ARHGEF1: variants seen among roughly 807,000 people sequenced by gnomAD.
The protein encoded by ARHGEF1 is Rho guanine nucleotide exchange factor 1.
ARHGEF1 carries 40 observed loss-of-function variants against 119.7 expected under a neutral mutation model. The observed-to-expected ratio is 0.33, with a 90% CI of 0.26 to 0.44. The LOEUF is 0.44. Among genes scored for constraint, ARHGEF1 ranks in the 20% least tolerant of loss-of-function variants. ARHGEF1 has a pLI of 1.00. For synonymous variants in ARHGEF1, 494 were observed against 521.0 expected, an observed-to-expected ratio of 0.95 and a Z score of 0.71; for missense variants, 976 against 1,268.3, an observed-to-expected ratio of 0.77 and a Z score of 3.50.
At position 41,888,168 on chromosome 19, in the gene ARHGEF1, T is replaced by C; in HGVS notation, c.25-24T>C. The C allele has an allele frequency of 1.2e-6, 2 of 1,614,016 alleles. No individual in the cohort carries two copies. The highest frequency in any genetic ancestry group is 1.3e-5 in the African/African-American group (1 of 75,034). The stretch of plus-strand genomic sequence containing the variant: ...GCTGTGGGTGGAGAGTCCTGTGGAC[T>C]GAAGCTGCCCTCCCTTTCCACAGGC... On this transcript the variant is annotated intron_variant, in intron 2 of 28. Transcript: ENST00000354532. This position sits in a 1 kb window ranked among gnomAD's most constrained non-coding sequence, Gnocchi z 5.1.
intron 18 of ARHGEF1, among the ~76,000 whole-genome samples, chr19:41,914,609 C>CGT (rs2074778509): frequency 2.0e-5 from 1 of 49,832 alleles, no homozygotes. Context: ...TCTGTCTCTC[C>CGT]CTCCCCTTCC....
chr19:41,904,868 G>A lies in ARHGEF1; in HGVS notation c.2162-81G>A. The stretch of plus-strand genomic sequence containing the variant: ...CCCTGAGAGCGCCACCACTGTGGGT[G>A]ACTTCTCCAGCTTGTGCTTAGGGAG... On this transcript the variant is annotated intron_variant, in intron 22 of 28. Transcript: ENST00000354532. The surrounding 1 kb of genome is among the most constrained non-coding windows in gnomAD (Gnocchi z 8.4). The A allele has an allele frequency of 8.1e-7, 1 of 1,229,140 alleles. No individual in the cohort carries two copies. The highest frequency in any genetic ancestry group is 1.2e-6 in the Non-Finnish European group (1 of 834,634). 76.1% of individuals were successfully genotyped at this position (1,229,140 alleles called of 1,614,324 possible).
downstream of ARHGEF1, chr19:41,908,546 C>CG: frequency 4.1e-6 from 5 of 1,231,462 alleles, no homozygotes; most frequent in East Asian, 3.2e-5. The surrounding 1 kb of genome is among the most constrained non-coding windows in gnomAD (Gnocchi z 6.7). Flanking sequence ...GGTAGAAATG[C>CG]GGGGGGTAGA....
At chr19:41,924,684 T>A (rs1555853073) in intron 1 of ARHGEF1, among the ~76,000 whole-genome samples, 1 of 152,090 alleles carries the variant, frequency 6.6e-6, no homozygotes, top group East Asian at 1.9e-4. Context: ...GGACTTAAGA[T>A]GCTGTGCAGT....
rs2074807029 is a variant in ARHGEF1, at chr19:41,917,265, T to A, written c.1866-5827T>A. Among the ~76,000 whole-genome samples the A allele has an allele frequency of 6.6e-6, 1 of 152,112 alleles. No individual in the cohort carries two copies. Among genetic ancestry groups the A allele is most frequent in the Non-Finnish European group, 1.5e-5 (1 of 68,012 alleles). ...TGTTTCCCCCATCTCTCTCTCTGGG[T>A]GCATCTCTCTGTCTCTCTCTGTCTC... On this transcript the variant is annotated intron_variant, in intron 18 of 20. Coordinates refer to the ARHGEF1 transcript ENST00000599589. This position sits in a 1 kb window ranked among gnomAD's most constrained non-coding sequence, Gnocchi z 4.8.
chr19:41,913,781 C>A (rs1347785686), intron 18 of ARHGEF1, among the ~76,000 whole-genome samples: 1 of 150,838 alleles, frequency 6.6e-6, no homozygotes. Flanking sequence ...CACCTTTCCC[C>A]CTCTTATGGC....
Position 41,888,656 on chromosome 19 carries a change from G to A in ARHGEF1, c.112-96G>A. ...TCCCCACTTCCCAGGAGCTAACCCTGGCTTGGATCCCTTGTGAAGTGCCAG... is the reference window on the plus strand; with the variant it reads ...TCCCCACTTCCCAGGAGCTAACCCTAGCTTGGATCCCTTGTGAAGTGCCAG... On this transcript the variant is annotated intron_variant, in intron 3 of 28. Coordinates refer to ENST00000354532, the MANE Select transcript of ARHGEF1 (RefSeq NM_004706.4). This position sits in a 1 kb window ranked among gnomAD's most constrained non-coding sequence, Gnocchi z 5.1. 1.7e-6 allele frequency: 2 copies of A among 1,198,994 alleles called. No individual in the cohort carries two copies. The highest frequency in any genetic ancestry group is 2.4e-6 in the Non-Finnish European group (2 of 825,736). The allele number at this position is 1,198,994 out of a possible 1,614,324, so 74.3% of individuals were successfully genotyped here.
rs139456833 is a variant in ARHGEF1, at chr19:41,914,857, C to CT, written c.1865+8055dup. ...TTCCACCGTCTCTGTCTCTCCCCCC[C>CT]TCCACCATCTCTGTCTCTCCCTCCC... On this transcript the variant is annotated intron_variant, in intron 18 of 20. Transcript: ENST00000599589. 2.6e-3 allele frequency among the ~76,000 whole-genome samples: 14 copies of CT among 5,386 alleles called. 1 individual carries two copies. Among genetic ancestry groups the CT allele is most frequent in the African/African-American group, 0.014 (6 of 438 alleles). The allele number at this position is 5,386 out of a possible 152,430, so 3.5% of individuals were successfully genotyped here. A position where few individuals can be genotyped will look rare whatever the true frequency, so the allele number is the denominator to read the frequency against.
Position 41,892,607 on chromosome 19 carries a change from C to T in ARHGEF1, c.372C>T (p.Arg124=), listed in dbSNP as rs782263671. ...CCCCCATGTGTGTCCCTGCAGACCGCACTAGGGCTGACCTCATCTCCGAGG... is the reference window on the plus strand; with the variant it reads ...CCCCCATGTGTGTCCCTGCAGACCGTACTAGGGCTGACCTCATCTCCGAGG... The part of the protein sequence containing the change: ...VPPNVAFELD[R]TRADLISEDV... Residue 124 remains arginine, a synonymous_variant, in exon 7 of 29, where the codon CGC becomes CGT. Coordinates refer to ENST00000354532, the MANE Select transcript of ARHGEF1 (RefSeq NM_004706.4). The surrounding 1 kb of genome is among the most constrained non-coding windows in gnomAD (Gnocchi z 6.3). 10 of 1,597,504 alleles carry T rather than the reference C, an allele frequency of 6.3e-6. No individual in the cohort carries two copies. In the South Asian group the frequency reaches 9.0e-5, roughly 14 times the overall value.
At chr19:41,921,279 G>T (rs1475784819), upstream of ARHGEF1, among the ~76,000 whole-genome samples, 2 of 152,126 alleles carry the variant, frequency 1.3e-5, no homozygotes, top group Non-Finnish European at 2.9e-5. The surrounding 1 kb of genome is among the most constrained non-coding windows in gnomAD (Gnocchi z 4.4). Context: ...GGGGAGACAT[G>T]CAGGGAGGAA....
chr19:41,925,996 A>G (rs1164145676), intron 1 of ARHGEF1, among the ~76,000 whole-genome samples: 3 of 151,960 alleles, frequency 2.0e-5, no homozygotes, highest in Non-Finnish European at 4.4e-5. Context: ...GAGTGTGTGC[A>G]TGTGTGGTGA....
downstream of ARHGEF1, among the ~76,000 whole-genome samples, chr19:41,910,270 A>G (rs10403081): frequency 0.19 from 29,347 of 151,942 alleles, 7,870 homozygotes; most frequent in African/African-American, 0.6. The surrounding 1 kb of genome is among the most constrained non-coding windows in gnomAD (Gnocchi z 4.4). Flanking sequence ...TCCCCAAATT[A>G]CCCAAATAAG....
chr19:41,903,776 G>A lies in ARHGEF1; in HGVS notation c.1909G>A (p.Glu637Lys), dbSNP rs1555849526. 2 of 1,612,962 alleles carry A rather than the reference G, an allele frequency of 1.2e-6. No individual in the cohort carries two copies. Among genetic ancestry groups the A allele is most frequent in the Non-Finnish European group, 1.7e-6 (2 of 1,179,966 alleles). ...GCAGAGCAGCGACCCTATGCTGAGC[G>A]AGTTCAAGGTGTGACCATACCCTCC... ...LRQSSDPMLS[E>K]FKNLDITKKK... Residue 637 changes from glutamate to lysine, a missense_variant, in exon 20 of 29, where the codon GAG (glutamate) becomes AAG (lysine). By Grantham distance (56) the Glu-to-Lys change is moderately conservative (BLOSUM62 1). This residue lies in a region of ARHGEF1 where 286 missense variants were observed against 506.8 expected (regional missense o/e 0.56). Transcript: ENST00000354532. This position sits in a 1 kb window ranked among gnomAD's most constrained non-coding sequence, Gnocchi z 4.2.
At chr19:41,907,061 C>CTGTG in intron 28 of ARHGEF1, 44 bp from the exon 29 acceptor site, 4 of 1,444,936 alleles carry the variant, frequency 2.8e-6, no homozygotes, top group African/African-American at 1.4e-5. Context: ...CCCTGTCTCT[C>CTGTG]TCTCCATCTC....
upstream of ARHGEF1, among the ~76,000 whole-genome samples, chr19:41,919,502 CGTGCACGCGT>C (rs2145902007): frequency 7.1e-6 from 1 of 141,714 alleles, no homozygotes; most frequent in South Asian, 2.1e-4. Flanking sequence ...CACGTGTGCA[CGTGCACGCGT>C]ACACACACAC....
rs782591074 is a variant in ARHGEF1, at chr19:41,906,752, G to C, written c.2705G>C (p.Gly902Ala). ...CRLRPLLSQLGGNSVPQPGCT is the reference protein window; with the variant it reads ...CRLRPLLSQLAGNSVPQPGCT ...CTGAGACCCCTCCTGTCTCAGCTTG[G>C]GGGGAACTCTGTCCCCCAGCCTGGC... Residue 902 changes from glycine to alanine, a missense_variant, in exon 28 of 29, where the codon GGG becomes GCG. Coordinates refer to ENST00000354532, the MANE Select transcript of ARHGEF1 (RefSeq NM_004706.4). This position sits in a 1 kb window ranked among gnomAD's most constrained non-coding sequence, Gnocchi z 4.5. 5 of 1,611,706 alleles carry C rather than the reference G, an allele frequency of 3.1e-6. No individual in the cohort carries two copies. The highest frequency in any genetic ancestry group is 4.2e-6 in the Non-Finnish European group (5 of 1,179,096).
intron 14 of ARHGEF1, 137 bp downstream of exon 14, chr19:41,898,724 CTT>C (rs2074552806): frequency 1.7e-6 from 2 of 1,174,302 alleles, no homozygotes; most frequent in Non-Finnish European, 2.3e-6. Context: ...CAAATTCCCT[CTT>C]GTTCCAAGTT....
At position 41,898,459 on chromosome 19, in the gene ARHGEF1, AG is replaced by A; in HGVS notation, c.1144del (p.Glu382SerfsTer34). On this transcript the variant is annotated frameshift_variant, in exon 14 of 29. Transcript: ENST00000354532. LOFTEE classifies it high-confidence loss of function. ...AETESPEPGD[E>X]GEPGRSGLEL... ...GTCCACAGCCCCGAGCCTGGAGATG[AG>A]GGGGAGCCGGGGCGGTCGGGACTGG... 1 of 1,547,310 alleles carries A rather than the reference AG, an allele frequency of 6.5e-7. No homozygotes were observed. Among genetic ancestry groups the A allele is most frequent in the Non-Finnish European group, 8.7e-7 (1 of 1,145,464 alleles).
intron 14 of ARHGEF1, among the ~76,000 whole-genome samples, chr19:41,900,112 T>A (rs1206237667): frequency 6.6e-6 from 1 of 152,102 alleles, no homozygotes; most frequent in Non-Finnish European, 1.5e-5. Flanking sequence ...GGTGGGCAGA[T>A]CACTTGAGGT....
Sources: gnomAD v4.1 joint callset for allele counts (sites outside exome capture counted in the v4.1 genomes callset) on GRCh38, gnomAD v4.1.1 for gene constraint, gnomAD v4.1.1 regional missense constraint, Gnocchi (gnomAD v3.1) non-coding constraint, MANE v1.5 for transcripts, NCBI Gene and HGNC (gene_info 2026-07-23, HGNC 2026-07-21) for gene names.